SVEP1: variants seen among roughly 807,000 people sequenced by gnomAD.
SVEP1 encodes sushi, von Willebrand factor type A, EGF and pentraxin domain containing 1.
In SVEP1, 164 loss-of-function variants were observed where a neutral mutation model predicts 367.3. The ratio of observed to expected loss-of-function variants is 0.45; its 90% CI spans 0.39 to 0.51. The LOEUF (loss-of-function observed/expected upper bound fraction) is 0.51. Ranked by LOEUF, SVEP1 falls within the 20% of genes least tolerant of loss-of-function variation. The pLI is 0.00. For missense variants in SVEP1, 4,117 were observed against 4,425.3 expected, an observed-to-expected ratio of 0.93 and a Z score of 1.98; for synonymous variants, 1,666 against 1,611.6, an observed-to-expected ratio of 1.03 and a Z score of -0.81.
chr9:110,514,111 G>A lies in SVEP1; in HGVS notation c.965-5C>T, dbSNP rs1312800799. 6 of 1,607,066 alleles carry A rather than the reference G, an allele frequency of 3.7e-6. No individual in the cohort carries two copies. In the South Asian group the frequency reaches 5.6e-5, roughly 15 times the overall value. On this transcript the variant is annotated splice_region_variant and splice_polypyrimidine_tract_variant and intron_variant, in intron 3 of 47. Transcript: ENST00000374469. ...TGTATGTCCCCGATGGGCAAGCTGTGGGCAGACAAGCCGGAGAAGTCCATG... is the reference window on the plus strand; with the variant it reads ...TGTATGTCCCCGATGGGCAAGCTGTAGGCAGACAAGCCGGAGAAGTCCATG...
intron 3 of SVEP1, among the ~76,000 whole-genome samples, chr9:110,529,493 G>C (rs866945174): frequency 6.6e-6 from 1 of 152,028 alleles, no homozygotes; most frequent in Non-Finnish European, 1.5e-5. Flanking sequence ...CAATTAATAA[G>C]CATCGGATGT....
intron 40 of SVEP1, among the ~76,000 whole-genome samples, chr9:110,398,756 A>G (rs1827809738): frequency 6.6e-6 from 1 of 152,244 alleles, no homozygotes; most frequent in Admixed American, 6.5e-5. Flanking sequence ...GCTCATCATC[A>G]CTGGCCATCA....
intron 1 of SVEP1, among the ~76,000 whole-genome samples, chr9:110,553,851 CT>C (rs1564175052): frequency 1.3e-5 from 2 of 152,150 alleles, no homozygotes; most frequent in Non-Finnish European, 2.9e-5. Context: ...GAGCAAAAAC[CT>C]TGGAATCATC....
chr9:110,576,094 TA>T (rs1258893006), intron 1 of SVEP1, among the ~76,000 whole-genome samples: 2 of 152,226 alleles, frequency 1.3e-5, no homozygotes, highest in Admixed American at 6.5e-5. Flanking sequence ...TTAAATGTCT[TA>T]AAAAAACATG....
intron 1 of SVEP1, among the ~76,000 whole-genome samples, chr9:110,567,081 C>T (rs574088085): frequency 6.6e-5 from 10 of 152,264 alleles, no homozygotes; most frequent in African/African-American, 1.9e-4. Flanking sequence ...GCAACAGAAA[C>T]ATTCAGGAAA....
intron 3 of SVEP1, among the ~76,000 whole-genome samples, chr9:110,531,693 C>A (rs542680429): frequency 3.9e-5 from 6 of 152,194 alleles, no homozygotes; most frequent in African/African-American, 1.4e-4. Context: ...CTAATACAGC[C>A]ACCTATGGTA....
chr9:110,414,302 GAGAC>G (rs1828086090), intron 36 of SVEP1, among the ~76,000 whole-genome samples: 1 of 151,966 alleles, frequency 6.6e-6, no homozygotes, highest in African/African-American at 2.4e-5. Context: ...AAATCTATAA[GAGAC>G]AGAGAAATCA....
intron 3 of SVEP1, among the ~76,000 whole-genome samples, chr9:110,531,882 C>T (rs1311565315): frequency 6.6e-6 from 1 of 152,120 alleles, no homozygotes; most frequent in Non-Finnish European, 1.5e-5. Flanking sequence ...AATTTGGAAA[C>T]AATCTTAGTA....
intron 40 of SVEP1, among the ~76,000 whole-genome samples, chr9:110,396,718 T>G (rs576957619): frequency 6.1e-4 from 92 of 151,650 alleles, no homozygotes; most frequent in African/African-American, 1.7e-3. Context: ...TAAACACCTC[T>G]AGGCAAATAA....
chr9:110,553,608 C>T (rs561322259), intron 1 of SVEP1, among the ~76,000 whole-genome samples: 39 of 152,274 alleles, frequency 2.6e-4, no homozygotes, highest in Non-Finnish European at 4.3e-4. Flanking sequence ...CTCTGCGACA[C>T]AGTTCAAAGA....
intron 12 of SVEP1, among the ~76,000 whole-genome samples, chr9:110,480,883 A>G (rs1168277137): frequency 6.6e-6 from 1 of 152,024 alleles, no homozygotes; most frequent in Non-Finnish European, 1.5e-5. Flanking sequence ...CAGCCTTCCA[A>G]AATGCTGGGA....
At chr9:110,445,776 C>G in intron 26 of SVEP1, 61 bp downstream of exon 26, 1 of 1,574,624 alleles carries the variant, frequency 6.4e-7, no homozygotes, top group South Asian at 1.1e-5. Flanking sequence ...TCCTCAATGT[C>G]AGTTCTAATT....
chr9:110,456,336 G>A (rs1828775832), intron 21 of SVEP1, among the ~76,000 whole-genome samples: 1 of 152,030 alleles, frequency 6.6e-6, no homozygotes, highest in Non-Finnish European at 1.5e-5. Context: ...TGATGCACAC[G>A]ACTGTTTGAG....
At chr9:110,546,832 C>T (rs566831245) in intron 2 of SVEP1, among the ~76,000 whole-genome samples, 1 of 152,328 alleles carries the variant, frequency 6.6e-6, no homozygotes, top group South Asian at 2.1e-4. Context: ...TTGAGCCATG[C>T]TCTGAAGTGA....
At chr9:110,387,238 T>TA (rs1156484243) in intron 42 of SVEP1, 47 bp downstream of exon 42, 1 of 1,516,526 alleles carries the variant, frequency 6.6e-7, no homozygotes, top group Non-Finnish European at 8.8e-7. Flanking sequence ...GGGAAGCTAA[T>TA]CGTGAAACTG....
chr9:110,415,760 G>A (rs1828111551), intron 36 of SVEP1, among the ~76,000 whole-genome samples: 1 of 152,014 alleles, frequency 6.6e-6, no homozygotes. Flanking sequence ...TAAATGCATA[G>A]CTGAGCTGAC....
intron 3 of SVEP1, among the ~76,000 whole-genome samples, chr9:110,537,535 G>C (rs929162936): frequency 5.3e-5 from 8 of 151,832 alleles, no homozygotes; most frequent in African/African-American, 1.7e-4. Flanking sequence ...GTACAATTCT[G>C]TGATCAACAG....
intron 8 of SVEP1, among the ~76,000 whole-genome samples, chr9:110,491,660 C>T (rs570102265): frequency 6.7e-6 from 1 of 149,030 alleles, no homozygotes; most frequent in South Asian, 2.1e-4. Flanking sequence ...TATTTTGCTC[C>T]AGGAAATTAC....
Position 110,406,772 on chromosome 9 carries a change from A to C in SVEP1, c.8828T>G (p.Leu2943Arg). Reference protein sequence around the residue: ...SDGNWDAEIPLCKPVNCGPPE... With the variant: ...SDGNWDAEIPRCKPVNCGPPE... ...AGGTCCACAGTTGACTGGTTTACAG[A>C]GAGGAATCTCTGCATCCCAGTTGCC... The change falls in exon 38 of 48, where the codon CTC becomes CGC. Residue 2943 changes from leucine to arginine, a missense_variant. Leu to Arg is a moderately radical substitution (Grantham distance 102). Coordinates refer to ENST00000374469, the MANE Select transcript of SVEP1 (RefSeq NM_153366.4). 1.2e-6 allele frequency: 2 copies of C among 1,614,054 alleles called. No individual in the cohort carries two copies. Among genetic ancestry groups the C allele is most frequent in the Non-Finnish European group, 1.7e-6 (2 of 1,179,904 alleles).
Sources: allele counts gnomAD v4.1 joint callset (sites outside exome capture counted in the v4.1 genomes callset), GRCh38; gene constraint gnomAD v4.1.1; transcripts MANE v1.5; gene names NCBI Gene and HGNC (gene_info 2026-07-23, HGNC 2026-07-21).